The following AHCY variants were observed in gnomAD, a reference collection of about 807,000 sequenced individuals.
AHCY encodes the protein adenosylhomocysteinase, also known as S-adenosyl-L-homocysteine hydrolase.
AHCY carries 24 observed loss-of-function variants against 45.4 expected under a neutral mutation model. That is an observed-to-expected ratio of 0.53 (90% CI 0.38 to 0.74). The LOEUF (loss-of-function observed/expected upper bound fraction) is 0.74, where lower values mean the gene tolerates loss of function less well. AHCY is among the 30% of genes least tolerant of loss of function. The pLI is 0.00. For missense variants in AHCY, 449 were observed against 594.1 expected (o/e 0.76, Z 2.54); for synonymous variants, 245 against 235.1 (o/e 1.04, Z -0.39).
At chr20:34,268,808 G>A in the AHCY span, among the ~76,000 whole-genome samples, 2 of 152,082 alleles carry the variant, frequency 1.3e-5, no homozygotes, top group Admixed American at 1.3e-4. Flanking sequence ...GCAAGAGCCA[G>A]GTAAGTCTGG....
intron 1 of AHCY, among the ~76,000 whole-genome samples, chr20:34,296,866 T>G (rs192754559): frequency 2.6e-5 from 4 of 152,324 alleles, no homozygotes; most frequent in Admixed American, 2.0e-4. Flanking sequence ...TAAAATTGTC[T>G]GTCAGTCAGC....
At chr20:34,273,425 G>C in the AHCY span, among the ~76,000 whole-genome samples, 3 of 152,086 alleles carry the variant, frequency 2.0e-5, no homozygotes, top group African/African-American at 7.2e-5. Flanking sequence ...GTTCAGGCTG[G>C]GTGTGGTGGC....
At chr20:34,300,995 A>G (rs548261279) in intron 1 of AHCY, among the ~76,000 whole-genome samples, 20 of 152,320 alleles carry the variant, frequency 1.3e-4, no homozygotes, top group Admixed American at 1.0e-3. Context: ...GCAACTGTTT[A>G]CCGACCATAT....
At position 34,290,431 on chromosome 20, in the gene AHCY, C is replaced by CA. The variant is rs2036337186; in HGVS notation, c.872_873insT (p.Lys291AsnfsTer3). On this transcript the variant is annotated frameshift_variant, in exon 8 of 10. Transcript: ENST00000217426. LOFTEE classifies it high-confidence loss of function. This position sits in a 1 kb window ranked among gnomAD's most constrained non-coding sequence, Gnocchi z 4.5. ...CAATGTTACACACAATGGCATCATC[C>CA]TTCATCTGCTCAAAGTGCCTGTCAG... 6.2e-7 allele frequency: 1 copy of CA among 1,614,106 alleles called. No individual in the cohort carries two copies. Among genetic ancestry groups the CA allele is most frequent in the African/African-American group, 1.3e-5 (1 of 74,926 alleles).
At chr20:34,301,820 G>T (rs1015769358) in intron 1 of AHCY, 1 of 985,294 alleles carries the variant, frequency 1.0e-6, no homozygotes, top group African/African-American at 1.7e-5. Context: ...GCAACTTGAT[G>T]AACTACTTCA....
At chr20:34,302,533 G>T in intron 1 of AHCY, 1 of 855,670 alleles carries the variant, frequency 1.2e-6, no homozygotes, top group Non-Finnish European at 1.4e-6. Flanking sequence ...TTTCCCTATA[G>T]AGCCATGAGA....
chr20:34,303,328 G>A lies in AHCY; in HGVS notation c.-58C>T. On this transcript the variant is annotated 5_prime_UTR_variant, in exon 1 of 10. Transcript: ENST00000217426. ...GGGGCTGGGCCTCAGTCTGGGAACA[G>A]GAACTGGGCGGGCAGCGCCGAGCAG... 14 of 1,550,796 alleles carry A rather than the reference G, an allele frequency of 9.0e-6. No individual in the cohort carries two copies. Among genetic ancestry groups the A allele is most frequent in the South Asian group, 7.1e-5 (6 of 84,036 alleles).
At chr20:34,300,796 A>G (rs980266147) in intron 1 of AHCY, among the ~76,000 whole-genome samples, 4 of 150,662 alleles carry the variant, frequency 2.7e-5, no homozygotes, top group Admixed American at 1.3e-4. Flanking sequence ...GGATCTGCGG[A>G]GCAAGAGATC....
chr20:34,262,762 C>T, the AHCY span: 1 of 1,565,532 alleles, frequency 6.4e-7, no homozygotes, highest in Non-Finnish European at 8.8e-7. Flanking sequence ...CCCCCTCTGC[C>T]CCTCTCACTT....
the AHCY span, among the ~76,000 whole-genome samples, chr20:34,267,459 CAAAAAA>C: frequency 2.2e-5 from 1 of 46,280 alleles, no homozygotes; most frequent in South Asian, 9.6e-4. Flanking sequence ...AACTGGCTCT[CAAAAAA>C]AAAAAAAAAA....
chr20:34,235,850 AAGGAAGGAAGGAAGGAAAG>A, the AHCY span, among the ~76,000 whole-genome samples: 2 of 46,668 alleles, frequency 4.3e-5, no homozygotes, highest in African/African-American at 5.7e-4. Flanking sequence ...AGAAGGAAGG[AAGGAAGGAAGGAAGGAAAG>A]GAAGGAAGGA....
In AHCY at chr20:34,298,612, G is replaced by T. The variant is rs992930662; in HGVS notation, c.29-3027C>A. 8.5e-3 allele frequency among the ~76,000 whole-genome samples: 1,277 copies of T among 149,406 alleles called. 59 individuals carry two copies. Among genetic ancestry groups the T allele is most frequent in the African/African-American group, 0.03 (1,209 of 40,982 alleles). On this transcript the variant is annotated intron_variant, in intron 1 of 9. Coordinates refer to ENST00000217426, the MANE Select transcript of AHCY (RefSeq NM_000687.4). ...ACTGGGAAGTGGCGGCGGCGGGAGGGGGGGGGGTGTCTCCCTTTCCCCAGG... is the reference window on the plus strand; with the variant it reads ...ACTGGGAAGTGGCGGCGGCGGGAGGTGGGGGGGTGTCTCCCTTTCCCCAGG...
At chr20:34,298,021 C>T (rs2036628000) in intron 1 of AHCY, among the ~76,000 whole-genome samples, 1 of 152,078 alleles carries the variant, frequency 6.6e-6, no homozygotes, top group Non-Finnish European at 1.5e-5. Context: ...TGCCTGTAAT[C>T]CCAGCTACTC....
chr20:34,287,208 T>C (rs1387665426), intron 8 of AHCY, among the ~76,000 whole-genome samples: 2 of 152,108 alleles, frequency 1.3e-5, no homozygotes, highest in Non-Finnish European at 2.9e-5. Context: ...CACTCACTGA[T>C]ACCCATCTAA....
upstream of AHCY, among the ~76,000 whole-genome samples, chr20:34,303,903 G>C (rs1193714242): frequency 6.6e-6 from 1 of 152,182 alleles, no homozygotes; most frequent in Non-Finnish European, 1.5e-5. Flanking sequence ...CGCGGAGGCG[G>C]GAGGGAGGAT....
chr20:34,247,489 G>A, the AHCY span, among the ~76,000 whole-genome samples: 170 of 151,494 alleles, frequency 1.1e-3, no homozygotes, highest in African/African-American at 4.0e-3. Flanking sequence ...TTGTAGAGAC[G>A]AGGTTTCATC....
the AHCY span, among the ~76,000 whole-genome samples, chr20:34,258,872 AC>A: frequency 8.2e-6 from 1 of 122,632 alleles, no homozygotes; most frequent in East Asian, 2.1e-4. Flanking sequence ...TATATATAAT[AC>A]TATATATATA....
At position 34,299,714 on chromosome 20, in the gene AHCY, G is replaced by A. The variant is rs988717252; in HGVS notation, c.28+3529C>T. The stretch of plus-strand genomic sequence containing the variant: ...TCATGGCTCCTTTGCCCCCACTACC[G>A]GTTACTCTCCCAATCTTCCCATTTT... On this transcript the variant is annotated intron_variant, in intron 1 of 9. Coordinates refer to ENST00000217426, the MANE Select transcript of AHCY (RefSeq NM_000687.4). Among the ~76,000 whole-genome samples the A allele has an allele frequency of 3.9e-5, 6 of 152,040 alleles. No individual in the cohort carries two copies. In the East Asian group the frequency reaches 1.2e-3, roughly 29 times the overall value.
Position 34,290,584 on chromosome 20 carries a change from G to A in AHCY, c.821C>T (p.Thr274Ile). ...GATGATGTCAATACAGCCTGTGGTG[G>A]TGACAAAGATGTTGCCCTCCTGACA... ...EACQEGNIFV[T>I]TTGCIDIILG... Residue 274 changes from threonine to isoleucine, a missense_variant, in exon 7 of 10, where the codon ACC (threonine) becomes ATC (isoleucine). Coordinates refer to ENST00000217426, the MANE Select transcript of AHCY (RefSeq NM_000687.4). This position sits in a 1 kb window ranked among gnomAD's most constrained non-coding sequence, Gnocchi z 4.5. 1 of 1,614,190 alleles carries A rather than the reference G, an allele frequency of 6.2e-7. No individual in the cohort carries two copies. The highest frequency in any genetic ancestry group is 8.5e-7 in the Non-Finnish European group (1 of 1,180,048).
Sources: gnomAD v4.1 joint callset for allele counts (sites outside exome capture counted in the v4.1 genomes callset) on GRCh38, gnomAD v4.1.1 for gene constraint, Gnocchi (gnomAD v3.1) non-coding constraint, MANE v1.5 for transcripts, NCBI Gene and HGNC (gene_info 2026-07-23, HGNC 2026-07-21) for gene names.